The following RPTOR variants were observed in gnomAD, a reference collection of about 807,000 sequenced individuals.
RPTOR encodes the protein regulatory associated protein of MTOR complex 1.
RPTOR carries 21 observed loss-of-function variants against 169.9 expected under a neutral mutation model. The ratio of observed to expected loss-of-function variants is 0.12; its 90% CI spans 0.09 to 0.18. The LOEUF is 0.18. RPTOR is among the 10% of genes least tolerant of loss of function. The pLI is 1.00. For synonymous variants in RPTOR, 732 were observed against 753.2 expected (o/e 0.97, Z 0.46); for missense variants, 1,133 against 1,855.9 (o/e 0.61, Z 7.16).
In RPTOR at chr17:80,960,261, G is replaced by A. The variant is rs201834999; in HGVS notation, c.3605+56G>A. On this transcript the variant is annotated intron_variant, in intron 30 of 33. Coordinates refer to ENST00000306801, the MANE Select transcript of RPTOR (RefSeq NM_020761.3). This position sits in a 1 kb window ranked among gnomAD's most constrained non-coding sequence, Gnocchi z 4.8. ...GTGCTGGCAGGGTACCTTCCAGGTG[G>A]TAGGGCCGTGTCACTGCCATTTGGT... is the stretch of plus-strand genomic sequence containing the variant. 7.8e-5 allele frequency: 125 copies of A among 1,605,524 alleles called. No individual in the cohort carries two copies. Among genetic ancestry groups the A allele is most frequent in the Non-Finnish European group, 1.0e-4 (122 of 1,174,418 alleles).
At chr17:80,700,275 G>A (rs1226914574) in intron 3 of RPTOR, among the ~76,000 whole-genome samples, 15 of 152,210 alleles carry the variant, frequency 9.9e-5, no homozygotes, top group African/African-American at 1.2e-4. Flanking sequence ...GTTTCTAAGC[G>A]GGAGAAGGAC....
At chr17:80,729,486 A>G (rs947447763) in intron 4 of RPTOR, among the ~76,000 whole-genome samples, 2 of 152,242 alleles carry the variant, frequency 1.3e-5, no homozygotes, top group Non-Finnish European at 2.9e-5. Flanking sequence ...TGCATTTACC[A>G]GAATCACTAG....
chr17:80,601,553 G>GTTT (rs1414581021), intron 1 of RPTOR, among the ~76,000 whole-genome samples: 346 of 8,644 alleles, frequency 0.04, 6 homozygotes, highest in East Asian at 0.068. Flanking sequence ...AGATGGTTCA[G>GTTT]TCTTTTTTTT....
chr17:80,720,053 A>G (rs576829460), intron 4 of RPTOR, among the ~76,000 whole-genome samples: 2 of 152,146 alleles, frequency 1.3e-5, no homozygotes, highest in African/African-American at 2.4e-5. Flanking sequence ...TGTAATCCCA[A>G]CACTTTGGGA....
chr17:80,880,381 A>G (rs1598374548), intron 13 of RPTOR, 34 bp from the exon 14 acceptor site: 2 of 1,594,748 alleles, frequency 1.3e-6, no homozygotes. Flanking sequence ...GGGACACTGC[A>G]CTCACTGCCT....
chr17:80,944,820 G>A (rs570182659), intron 25 of RPTOR, among the ~76,000 whole-genome samples: 11 of 152,072 alleles, frequency 7.2e-5, no homozygotes, highest in African/African-American at 2.2e-4. Flanking sequence ...GTGAAACCCC[G>A]TCTCTACTAA....
intron 19 of RPTOR, among the ~76,000 whole-genome samples, chr17:80,893,457 G>A (rs531676248): frequency 3.7e-5 from 5 of 136,948 alleles, no homozygotes; most frequent in East Asian, 2.1e-4. Flanking sequence ...GTGTGTATAC[G>A]CGCCAGGTTG....
rs112549152 is a variant in RPTOR at position 80,757,380 on chromosome 17, A to G, written c.830+3195A>G. 3.5e-3 allele frequency among the ~76,000 whole-genome samples: 539 copies of G among 152,238 alleles called. 4 individuals are homozygous for G. In the Middle Eastern group the frequency reaches 0.041, roughly 12 times the overall value. ...CCACGTTGTTTCTGAACTGCTCTCC[A>G]TCCTTGTTTGTTTGCTCTGTAATGT... On this transcript the variant is annotated intron_variant, in intron 6 of 33. Transcript: ENST00000306801.
intron 2 of RPTOR, among the ~76,000 whole-genome samples, chr17:80,634,609 GTGTA>G: frequency 5.7e-5 from 2 of 34,920 alleles, no homozygotes; most frequent in Non-Finnish European, 1.2e-4. Flanking sequence ...CGTACTGTGT[GTGTA>G]CTGTGTGCGT....
At chr17:80,939,710 A>T (rs765239736) in intron 24 of RPTOR, among the ~76,000 whole-genome samples, 1 of 152,198 alleles carries the variant, frequency 6.6e-6, no homozygotes, top group Non-Finnish European at 1.5e-5. Flanking sequence ...CTCATCTTCC[A>T]GCCAGCTGCC....
At chr17:80,931,503 G>T (rs2144014356) in intron 24 of RPTOR, among the ~76,000 whole-genome samples, 1 of 152,344 alleles carries the variant, frequency 6.6e-6, no homozygotes, top group Non-Finnish European at 1.5e-5. Flanking sequence ...AGAAGATTGA[G>T]GTGGGACACG....
At chr17:80,930,355 C>CAGCT (rs2068872557) in intron 24 of RPTOR, among the ~76,000 whole-genome samples, 3 of 48,936 alleles carry the variant, frequency 6.1e-5, no homozygotes, top group South Asian at 5.7e-4. Context: ...CAGCTCATCC[C>CAGCT]CAGCTCATCC....
intron 14 of RPTOR, 139 bp downstream of exon 14, chr17:80,880,628 G>A: frequency 2.9e-6 from 2 of 695,438 alleles, no homozygotes; most frequent in East Asian, 5.5e-5. Flanking sequence ...CGTCCACGGG[G>A]TCAGCAACTG....
At chr17:80,719,311 T>A (rs2066265651) in intron 4 of RPTOR, among the ~76,000 whole-genome samples, 1 of 152,088 alleles carries the variant, frequency 6.6e-6, no homozygotes, top group African/African-American at 2.4e-5. Flanking sequence ...GGAATTGATA[T>A]CCATTATTCC....
At chr17:80,953,098 C>T (rs537791619) in intron 28 of RPTOR, among the ~76,000 whole-genome samples, 1 of 152,210 alleles carries the variant, frequency 6.6e-6, no homozygotes, top group African/African-American at 2.4e-5. Flanking sequence ...CTCCTGACCT[C>T]AGGTGATCCT....
intron 13 of RPTOR, among the ~76,000 whole-genome samples, chr17:80,863,635 G>A (rs558594517): frequency 2.0e-5 from 3 of 152,338 alleles, no homozygotes; most frequent in African/African-American, 7.2e-5. Flanking sequence ...ACAGTACACG[G>A]TTAGGCACGG....
chr17:80,642,189 T>G (rs989230276), intron 2 of RPTOR, among the ~76,000 whole-genome samples: 1 of 151,630 alleles, frequency 6.6e-6, no homozygotes, highest in Admixed American at 6.6e-5. Flanking sequence ...CAGGCTGGAG[T>G]GCAGTGGCGT....
At chr17:80,887,429 G>A (rs2068262381) in intron 17 of RPTOR, among the ~76,000 whole-genome samples, 1 of 152,028 alleles carries the variant, frequency 6.6e-6, no homozygotes, top group African/African-American at 2.4e-5. Context: ...TCGTCATAGA[G>A]TCCTGCCGCA....
At chr17:80,623,910 T>G (rs1471611264) in intron 1 of RPTOR, among the ~76,000 whole-genome samples, 1 of 152,188 alleles carries the variant, frequency 6.6e-6, no homozygotes, top group Non-Finnish European at 1.5e-5. Flanking sequence ...CATTTATTTA[T>G]TTTTAGAGAT....
Sources: gnomAD v4.1 joint callset for allele counts (sites outside exome capture counted in the v4.1 genomes callset) on GRCh38, gnomAD v4.1.1 for gene constraint, Gnocchi (gnomAD v3.1) non-coding constraint, MANE v1.5 for transcripts, NCBI Gene and HGNC (gene_info 2026-07-23, HGNC 2026-07-21) for gene names.